The following CDH12 variants were observed in gnomAD, a reference collection of about 807,000 sequenced individuals.
CDH12 encodes the protein cadherin-12.
CDH12 carries 41 observed loss-of-function variants against 74.1 expected under a neutral mutation model. That is an observed-to-expected ratio of 0.55 (90% CI 0.43 to 0.72). CDH12 has a LOEUF of 0.72. CDH12 is among the 30% of genes least tolerant of loss of function. The pLI, the probability that CDH12 is intolerant of heterozygous loss-of-function variation, is 0.00. For missense variants in CDH12, 945 were observed against 977.2 expected (o/e 0.97, Z 0.44); for synonymous variants, 399 against 355.0 (o/e 1.12, Z -1.39).
At chr5:21,755,071 C>G (rs1385745745) in intron 14 of CDH12, among the ~76,000 whole-genome samples, 2 of 152,158 alleles carry the variant, frequency 1.3e-5, no homozygotes, top group Non-Finnish European at 2.9e-5. Flanking sequence ...GCAGTTTAAA[C>G]AGAAAAGACA....
chr5:22,047,681 G>T (rs1740056406), intron 5 of CDH12, among the ~76,000 whole-genome samples: 1 of 152,126 alleles, frequency 6.6e-6, no homozygotes, highest in South Asian at 2.1e-4. Flanking sequence ...CCTATGCACT[G>T]TTGACTTCAA....
At chr5:22,202,214 A>G (rs1364013150) in intron 4 of CDH12, among the ~76,000 whole-genome samples, 1 of 109,578 alleles carries the variant, frequency 9.1e-6, no homozygotes, top group East Asian at 2.2e-4. Context: ...TTCAACATAT[A>G]GTTACTACCT....
intron 1 of CDH12, among the ~76,000 whole-genome samples, chr5:22,527,481 T>C (rs971594141): frequency 4.6e-5 from 7 of 152,166 alleles, no homozygotes; most frequent in African/African-American, 1.7e-4. Flanking sequence ...ACCAGTGCCA[T>C]AGGCCTGTGC....
intron 1 of CDH12, among the ~76,000 whole-genome samples, chr5:22,774,908 C>T (rs747799722): frequency 6.6e-6 from 1 of 151,942 alleles, no homozygotes; most frequent in African/African-American, 2.4e-5. Flanking sequence ...GTGACAGGAT[C>T]GTTTGCATCT....
chr5:21,943,978 A>C (rs552871555), intron 6 of CDH12, among the ~76,000 whole-genome samples: 59 of 152,178 alleles, frequency 3.9e-4, no homozygotes, highest in Non-Finnish European at 7.1e-4. Context: ...GCTGGGACCC[A>C]TATCCATAAT....
At chr5:22,797,249 A>G (rs1748276873) in intron 1 of CDH12, among the ~76,000 whole-genome samples, 1 of 151,320 alleles carries the variant, frequency 6.6e-6, no homozygotes, top group African/African-American at 2.4e-5. Context: ...GTGAAGACAC[A>G]GCGAGAAGAC....
chr5:22,717,240 G>A (rs1743625262), intron 1 of CDH12, among the ~76,000 whole-genome samples: 1 of 151,960 alleles, frequency 6.6e-6, no homozygotes, highest in South Asian at 2.1e-4. Context: ...CTATACAGGT[G>A]AACCTTTTTT....
intron 1 of CDH12, among the ~76,000 whole-genome samples, chr5:22,586,490 A>AAAAT (rs1554052185): frequency 8.0e-5 from 10 of 124,998 alleles, no homozygotes; most frequent in Admixed American, 2.0e-4. Context: ...AGTATAATAA[A>AAAAT]ATATATATAT....
intron 11 of CDH12, among the ~76,000 whole-genome samples, chr5:21,778,406 T>C (rs888703403): frequency 2.8e-5 from 4 of 142,068 alleles, no homozygotes; most frequent in African/African-American, 7.8e-5. Context: ...AAAAATTAGG[T>C]ACTCACTTCT....
chr5:22,372,737 C>G (rs944709479), intron 3 of CDH12, among the ~76,000 whole-genome samples: 1 of 152,108 alleles, frequency 6.6e-6, no homozygotes, highest in Non-Finnish European at 1.5e-5. Flanking sequence ...CTAAGACATG[C>G]CCCGTCCTTC....
chr5:21,762,964 T>C (rs1744811610), intron 12 of CDH12, among the ~76,000 whole-genome samples: 2 of 150,188 alleles, frequency 1.3e-5, no homozygotes, highest in Non-Finnish European at 3.0e-5. Context: ...CTCTTCAAAC[T>C]CCCAAAACAA....
Position 22,393,647 on chromosome 5 carries a change from G to C in CDH12, c.-333+11610C>G, listed in dbSNP as rs142014043. 9.9e-3 allele frequency among the ~76,000 whole-genome samples: 1,502 copies of C among 152,262 alleles called. 26 individuals are homozygous for C. The highest frequency in any genetic ancestry group is 0.033 in the African/African-American group (1,368 of 41,562). On this transcript the variant is annotated intron_variant, in intron 3 of 14. Coordinates refer to ENST00000382254, the MANE Select transcript of CDH12 (RefSeq NM_004061.5). ...GAAAATTCCTGAATTGTCTTGAAGA[G>C]ACTTGGTAGAAATATGAATGTCAGG...
intron 1 of CDH12, among the ~76,000 whole-genome samples, chr5:22,655,566 AG>A (rs2126889828): frequency 6.6e-6 from 1 of 152,374 alleles, no homozygotes; most frequent in Non-Finnish European, 1.5e-5. Context: ...TCTTTGAAGA[AG>A]GACCTACAAT....
intron 7 of CDH12, among the ~76,000 whole-genome samples, chr5:21,852,682 T>G (rs960711028): frequency 2.0e-5 from 3 of 151,562 alleles, no homozygotes; most frequent in Non-Finnish European, 4.4e-5. Flanking sequence ...ACTCTTATTC[T>G]GAGTATATAA....
At chr5:21,854,567 G>T in intron 7 of CDH12, 104 bp downstream of exon 7, 1 of 879,094 alleles carries the variant, frequency 1.1e-6, no homozygotes, top group Non-Finnish European at 1.8e-6. Context: ...TCGCACTGAA[G>T]CTTTATGGCT....
chr5:21,970,278 C>A (rs1318435881), intron 6 of CDH12, among the ~76,000 whole-genome samples: 1 of 152,148 alleles, frequency 6.6e-6, no homozygotes, highest in Non-Finnish European at 1.5e-5. Flanking sequence ...AAAAACTCTG[C>A]TTTTAGGGCA....
At chr5:22,659,915 T>C (rs1343911843) in intron 1 of CDH12, among the ~76,000 whole-genome samples, 2 of 152,132 alleles carry the variant, frequency 1.3e-5, no homozygotes, top group Admixed American at 6.6e-5. Flanking sequence ...TTAACATATA[T>C]AGAATATGAC....
chr5:22,310,159 CAAT>C (rs1019950320), intron 3 of CDH12, among the ~76,000 whole-genome samples: 5 of 151,714 alleles, frequency 3.3e-5, no homozygotes, highest in African/African-American at 1.2e-4. Context: ...TAAAAAACAA[CAAT>C]AACAACAACA....
intron 1 of CDH12, among the ~76,000 whole-genome samples, chr5:22,704,977 G>T (rs1323192271): frequency 1.3e-5 from 2 of 151,638 alleles, no homozygotes; most frequent in African/African-American, 2.4e-5. Flanking sequence ...AATTCTAATT[G>T]AATGAATTAT....
Sources: allele counts gnomAD v4.1 joint callset (sites outside exome capture counted in the v4.1 genomes callset), GRCh38; gene constraint gnomAD v4.1.1; transcripts MANE v1.5; gene names NCBI Gene and HGNC (gene_info 2026-07-23, HGNC 2026-07-21).